Variants in AGBL4 observed in about 807,000 individuals in gnomAD.
AGBL4 encodes the protein AGBL carboxypeptidase 4.
In AGBL4, 58 loss-of-function variants were observed where a neutral mutation model predicts 66.4. The observed-to-expected ratio is 0.87, with a 90% CI of 0.71 to 1.09. The LOEUF (loss-of-function observed/expected upper bound fraction) is 1.09. Ranked by LOEUF, AGBL4 falls within the 50% of genes least tolerant of loss-of-function variation. The probability of loss-of-function intolerance (pLI) is 0.00; values close to 1 mark genes in which losing one functional copy is unlikely to be tolerated. For synonymous variants in AGBL4, 234 were observed against 222.9 expected, an observed-to-expected ratio of 1.05 and a Z score of -0.44; for missense variants, 579 against 631.0, an observed-to-expected ratio of 0.92 and a Z score of 0.88.
chr1:48,873,884 G>T (rs573467809), intron 5 of AGBL4, among the ~76,000 whole-genome samples: 6 of 152,074 alleles, frequency 3.9e-5, no homozygotes, highest in Non-Finnish European at 8.8e-5. Flanking sequence ...TTTTGGTCAC[G>T]ACTGCATTGC....
At chr1:48,852,088 C>A (rs554522780) in intron 6 of AGBL4, among the ~76,000 whole-genome samples, 2 of 132,670 alleles carry the variant, frequency 1.5e-5, no homozygotes, top group South Asian at 2.4e-4. Flanking sequence ...CCTATGAAGT[C>A]AATATTATTA....
intron 5 of AGBL4, among the ~76,000 whole-genome samples, chr1:48,890,113 C>T (rs1172048911): frequency 6.6e-6 from 1 of 152,058 alleles, no homozygotes; most frequent in African/African-American, 2.4e-5. Context: ...CAGAATCACC[C>T]ACAGACAGGC....
chr1:49,350,058 C>G (rs1371391011), intron 3 of AGBL4, among the ~76,000 whole-genome samples: 1 of 152,144 alleles, frequency 6.6e-6, no homozygotes, highest in African/African-American at 2.4e-5. Context: ...TTTGTTATAG[C>G]AGCTCTAGCA....
intron 2 of AGBL4, among the ~76,000 whole-genome samples, chr1:49,803,701 A>G (rs1644914388): frequency 6.6e-6 from 1 of 152,152 alleles, no homozygotes; most frequent in African/African-American, 2.4e-5. Context: ...CGCTGACATA[A>G]TGAGATAATG....
intron 2 of AGBL4, among the ~76,000 whole-genome samples, chr1:49,808,395 G>T (rs918429053): frequency 6.6e-6 from 1 of 152,088 alleles, no homozygotes; most frequent in Non-Finnish European, 1.5e-5. Context: ...TACAAACTTT[G>T]ATGCACACTG....
intron 3 of AGBL4, among the ~76,000 whole-genome samples, chr1:49,442,040 A>AG (rs34350564): frequency 1.3e-5 from 2 of 151,716 alleles, no homozygotes; most frequent in Non-Finnish European, 3.0e-5. Context: ...CAGGGTGATC[A>AG]GCCAGCTACC....
chr1:49,240,551 C>CTT lies in AGBL4; in HGVS notation c.377+5217_377+5218dup, dbSNP rs34162300. Among the ~76,000 whole-genome samples the CTT allele has an allele frequency of 3.2e-5, 4 of 123,702 alleles. No homozygotes were observed. In the East Asian group the frequency reaches 9.3e-4, roughly 29 times the overall value. The allele number at this position is 123,702 out of a possible 152,430, so 81.2% of individuals were successfully genotyped here. ...CTTTGGTTTCATGACACTGCATTTT[C>CTT]TTTTTTTTTTTTTTTTTTCCTATCT... On this transcript the variant is annotated intron_variant, in intron 4 of 13. Coordinates refer to ENST00000371839, the MANE Select transcript of AGBL4 (RefSeq NM_032785.4).
rs71307607 is a variant in AGBL4, at chr1:49,843,296, T to TTGTG, written c.157+8096_157+8099dup. Among the ~76,000 whole-genome samples the TTGTG allele has an allele frequency of 8.7e-3, 1,292 of 147,840 alleles. 11 individuals are homozygous for TTGTG. Among genetic ancestry groups the TTGTG allele is most frequent in the African/African-American group, 0.02 (812 of 40,064 alleles). On this transcript the variant is annotated intron_variant, in intron 2 of 13. Transcript: ENST00000371839. ...TGTGTGTCACCATGCCTAGCTAATT[T>TTGTG]TGTGTGTGTGTGTGTGTGTGTGTGT...
intron 3 of AGBL4, among the ~76,000 whole-genome samples, chr1:49,297,690 A>G (rs1280465621): frequency 6.6e-6 from 1 of 152,208 alleles, no homozygotes; most frequent in Non-Finnish European, 1.5e-5. Flanking sequence ...GTGGCATCGG[A>G]CAGTTTTTCC....
At chr1:49,553,115 T>C (rs1653101774) in intron 3 of AGBL4, among the ~76,000 whole-genome samples, 1 of 152,186 alleles carries the variant, frequency 6.6e-6, no homozygotes, top group Admixed American at 6.5e-5. Flanking sequence ...TCTTAAAAAA[T>C]GAATGAATTG....
chr1:49,492,477 T>A (rs1193892149), intron 3 of AGBL4, among the ~76,000 whole-genome samples: 1 of 151,946 alleles, frequency 6.6e-6, no homozygotes, highest in Non-Finnish European at 1.5e-5. Context: ...GCAAAACTGT[T>A]GATAAGGGGG....
intron 3 of AGBL4, among the ~76,000 whole-genome samples, chr1:49,513,939 G>C (rs536333470): frequency 6.6e-6 from 1 of 152,056 alleles, no homozygotes; most frequent in Admixed American, 6.6e-5. Context: ...TCCATTTCAT[G>C]GGCTAAGACT....
Position 49,948,017 on chromosome 1 carries a change from A to T in AGBL4, c.34+75746T>A, listed in dbSNP as rs1386735451. On this transcript the variant is annotated intron_variant, in intron 1 of 13. Coordinates refer to ENST00000371839, the MANE Select transcript of AGBL4 (RefSeq NM_032785.4). ...ATATATAAATATATATAAATATATA[A>T]ATATATATAAATATATATACATATA... 6.6e-3 allele frequency among the ~76,000 whole-genome samples: 142 copies of T among 21,568 alleles called. 2 individuals carry two copies. Among genetic ancestry groups the T allele is most frequent in the African/African-American group, 9.2e-3 (36 of 3,932 alleles). The allele number at this position is 21,568 out of a possible 152,430, so 14.1% of individuals were successfully genotyped here.
intron 5 of AGBL4, among the ~76,000 whole-genome samples, chr1:48,971,804 CA>C (rs1658927566): frequency 6.6e-6 from 1 of 152,076 alleles, no homozygotes; most frequent in Admixed American, 6.6e-5. Flanking sequence ...ACATAAACCT[CA>C]AAAAAAGTGC....
intron 3 of AGBL4, among the ~76,000 whole-genome samples, chr1:49,613,578 C>T (rs1422874173): frequency 6.6e-6 from 1 of 152,146 alleles, no homozygotes. Context: ...AGTACAAACC[C>T]TATTGTGAGC....
intron 5 of AGBL4, among the ~76,000 whole-genome samples, chr1:49,000,845 A>G (rs955068421): frequency 1.3e-5 from 2 of 152,206 alleles, no homozygotes; most frequent in Non-Finnish European, 2.9e-5. Context: ...CTTACTGAAT[A>G]CACCACTAAG....
At chr1:49,713,248 A>G (rs1348019696) in intron 2 of AGBL4, among the ~76,000 whole-genome samples, 1 of 152,048 alleles carries the variant, frequency 6.6e-6, no homozygotes, top group African/African-American at 2.4e-5. Context: ...AGAATATCCT[A>G]TGGATTTCAT....
At chr1:48,673,844 T>G (rs1165634459) in intron 6 of AGBL4, among the ~76,000 whole-genome samples, 2 of 152,214 alleles carry the variant, frequency 1.3e-5, no homozygotes, top group African/African-American at 2.4e-5. Flanking sequence ...ATTCAGGTAC[T>G]CAACAGGGAG....
At chr1:49,660,902 G>A (rs958507192) in intron 3 of AGBL4, among the ~76,000 whole-genome samples, 1 of 151,896 alleles carries the variant, frequency 6.6e-6, no homozygotes, top group African/African-American at 2.4e-5. Context: ...GCTGAACAAT[G>A]GGAACACATG....
Sources: gnomAD v4.1 joint callset for allele counts (sites outside exome capture counted in the v4.1 genomes callset) on GRCh38, gnomAD v4.1.1 for gene constraint, MANE v1.5 for transcripts, NCBI Gene and HGNC (gene_info 2026-07-23, HGNC 2026-07-21) for gene names.